The following GALNTL6 variants were observed in gnomAD, a reference collection of about 807,000 sequenced individuals.
GALNTL6 encodes polypeptide N-acetylgalactosaminyltransferase-like 6.
Under a neutral mutation model 73.7 loss-of-function variants are expected in GALNTL6, and 46 were observed. The ratio of observed to expected loss-of-function variants is 0.62; its 90% CI spans 0.49 to 0.80. GALNTL6 has a LOEUF of 0.80. Ranked by LOEUF, GALNTL6 falls within the 30% of genes least tolerant of loss-of-function variation. GALNTL6 has a pLI of 0.00. For missense variants in GALNTL6, 604 were observed against 755.0 expected (o/e 0.80, Z 2.34); for synonymous variants, 259 against 263.7 (o/e 0.98, Z 0.17).
intron 5 of GALNTL6, among the ~76,000 whole-genome samples, chr4:172,460,214 T>G (rs2111441059): frequency 6.6e-6 from 1 of 152,246 alleles, no homozygotes; most frequent in Non-Finnish European, 1.5e-5. Context: ...TATGCAAAAA[T>G]TAACTCAAGA....
rs978402671 is a variant in GALNTL6 at position 172,196,490 on chromosome 4, C to CA, written c.139-33159dup. 3.2e-4 allele frequency among the ~76,000 whole-genome samples: 48 copies of CA among 152,050 alleles called. 4 individuals carry two copies. The highest frequency in any genetic ancestry group is 2.8e-3 in the Admixed American group (43 of 15,286). On this transcript the variant is annotated intron_variant, in intron 2 of 12. Transcript: ENST00000506823. ...CTACCAAAACCTGGCAGAGATACAA[C>CA]AAAAAAAGAAAACTTCAGGCCAATA...
At chr4:172,256,969 A>G (rs1026581480) in intron 3 of GALNTL6, among the ~76,000 whole-genome samples, 5 of 151,322 alleles carry the variant, frequency 3.3e-5, no homozygotes, top group African/African-American at 1.2e-4. Context: ...ATGTTGCAGA[A>G]TTAGAGTTCT....
intron 10 of GALNTL6, among the ~76,000 whole-genome samples, chr4:173,001,311 T>G (rs1014130014): frequency 2.6e-5 from 4 of 152,192 alleles, no homozygotes; most frequent in African/African-American, 9.7e-5. Flanking sequence ...CATTTCAAAC[T>G]AATATATCTA....
intron 2 of GALNTL6, among the ~76,000 whole-genome samples, chr4:172,017,738 T>C (rs934006271): frequency 1.3e-5 from 2 of 152,000 alleles, no homozygotes; most frequent in African/African-American, 4.8e-5. Context: ...TCCCATAGAG[T>C]TGGCATTTCC....
intron 5 of GALNTL6, among the ~76,000 whole-genome samples, chr4:172,447,532 G>T (rs182401382): frequency 1.3e-5 from 2 of 152,254 alleles, no homozygotes; most frequent in East Asian, 3.9e-4. Flanking sequence ...CTGGCTTAAA[G>T]ATAGCAGAGA....
At chr4:173,017,007 G>A (rs901434776) in intron 11 of GALNTL6, among the ~76,000 whole-genome samples, 10 of 152,100 alleles carry the variant, frequency 6.6e-5, no homozygotes, top group African/African-American at 1.9e-4. Flanking sequence ...TTTATAAGGG[G>A]CTTTTCCCCC....
At chr4:171,953,352 ACTT>A (rs1738947639) in intron 2 of GALNTL6, among the ~76,000 whole-genome samples, 1 of 152,090 alleles carries the variant, frequency 6.6e-6, no homozygotes, top group Non-Finnish European at 1.5e-5. Context: ...AAGACTTACT[ACTT>A]TCAGTCCACA....
intron 5 of GALNTL6, among the ~76,000 whole-genome samples, chr4:172,463,436 T>C (rs1246842663): frequency 6.6e-6 from 1 of 151,972 alleles, no homozygotes; most frequent in Non-Finnish European, 1.5e-5. Context: ...CCTATATCGG[T>C]ATGTAGCCAG....
At chr4:172,246,332 A>G (rs1737657575) in intron 3 of GALNTL6, among the ~76,000 whole-genome samples, 1 of 152,174 alleles carries the variant, frequency 6.6e-6, no homozygotes, top group African/African-American at 2.4e-5. Flanking sequence ...ATTTGGTCAT[A>G]GATAATCATT....
At chr4:171,970,368 G>A (rs999742287) in intron 2 of GALNTL6, among the ~76,000 whole-genome samples, 3 of 152,172 alleles carry the variant, frequency 2.0e-5, no homozygotes, top group Admixed American at 1.3e-4. Flanking sequence ...AGAAGTAAAA[G>A]TTTTGTACTT....
At chr4:172,342,121 T>C (rs1189809490) in intron 4 of GALNTL6, among the ~76,000 whole-genome samples, 1 of 152,140 alleles carries the variant, frequency 6.6e-6, no homozygotes, top group Non-Finnish European at 1.5e-5. Context: ...TTTTTTGTGA[T>C]GGGTATTTTG....
chr4:172,191,670 A>T (rs1735593142), intron 2 of GALNTL6, among the ~76,000 whole-genome samples: 1 of 152,176 alleles, frequency 6.6e-6, no homozygotes, highest in South Asian at 2.1e-4. Flanking sequence ...GACTATTCTC[A>T]TTGTTTATTA....
At position 172,085,145 on chromosome 4, in the gene GALNTL6, A is replaced by G. The variant is rs569112210; in HGVS notation, c.139-144511A>G. Among the ~76,000 whole-genome samples the G allele has an allele frequency of 1.1e-4, 16 of 152,350 alleles. 1 individual carries two copies. The highest frequency in any genetic ancestry group is 6.8e-3 in the Middle Eastern group (2 of 294). On this transcript the variant is annotated intron_variant, in intron 2 of 12. Coordinates refer to ENST00000506823, the MANE Select transcript of GALNTL6 (RefSeq NM_001034845.3). Reference sequence around the variant, plus strand: ...GTAATCAATGATAACAGCAAAGGTGATTAAGTACAAATCATAGGAATACCT... The same window carrying G: ...GTAATCAATGATAACAGCAAAGGTGGTTAAGTACAAATCATAGGAATACCT...
At chr4:172,215,867 C>T (rs1424795090) in intron 2 of GALNTL6, among the ~76,000 whole-genome samples, 1 of 152,008 alleles carries the variant, frequency 6.6e-6, no homozygotes, top group Non-Finnish European at 1.5e-5. Flanking sequence ...AATTACACTT[C>T]CTTTTACATT....
At chr4:172,854,948 G>A (rs543297184) in intron 7 of GALNTL6, among the ~76,000 whole-genome samples, 9 of 152,244 alleles carry the variant, frequency 5.9e-5, no homozygotes, top group African/African-American at 2.2e-4. Flanking sequence ...AATAACAGTA[G>A]GTGGTAAAAT....
intron 5 of GALNTL6, among the ~76,000 whole-genome samples, chr4:172,681,250 A>C (rs909189901): frequency 2.0e-5 from 3 of 152,176 alleles, no homozygotes; most frequent in African/African-American, 7.2e-5. Context: ...ATGTTCTGGA[A>C]TTCTTTGTAG....
intron 5 of GALNTL6, among the ~76,000 whole-genome samples, chr4:172,805,721 G>T (rs538767698): frequency 3.4e-4 from 51 of 152,164 alleles, no homozygotes; most frequent in African/African-American, 1.1e-3. Context: ...TAAAATAATA[G>T]AAAATTATAT....
chr4:171,959,205 A>G (rs1481738275), intron 2 of GALNTL6, among the ~76,000 whole-genome samples: 1 of 152,224 alleles, frequency 6.6e-6, no homozygotes, highest in African/African-American at 2.4e-5. Context: ...TAAGGGAACT[A>G]GAGTCTGAAA....
intron 5 of GALNTL6, among the ~76,000 whole-genome samples, chr4:172,733,958 A>G (rs913777057): frequency 1.3e-5 from 2 of 152,266 alleles, no homozygotes; most frequent in African/African-American, 4.8e-5. Flanking sequence ...AGAAGACAGG[A>G]AGATGTGGGA....
Sources: allele counts gnomAD v4.1 joint callset (sites outside exome capture counted in the v4.1 genomes callset), GRCh38; gene constraint gnomAD v4.1.1; transcripts MANE v1.5; gene names NCBI Gene and HGNC (gene_info 2026-07-23, HGNC 2026-07-21).